Variants in FOXO1 observed in about 807,000 individuals in gnomAD.
FOXO1 encodes forkhead box protein O1.
Under a neutral mutation model 44.1 loss-of-function variants are expected in FOXO1, and 6 were observed. The observed-to-expected ratio is 0.14, with a 90% CI of 0.07 to 0.27. The LOEUF (loss-of-function observed/expected upper bound fraction) is 0.27, where lower values mean the gene tolerates loss of function less well. Ranked by LOEUF, FOXO1 falls within the 10% of genes least tolerant of loss-of-function variation. The pLI is 1.00. For missense variants in FOXO1, 737 were observed against 888.8 expected (o/e 0.83, Z 2.17); for synonymous variants, 380 against 362.7 (o/e 1.05, Z -0.54).
chr13:40,643,153 C>T (rs1241826505), intron 1 of FOXO1, among the ~76,000 whole-genome samples: 1 of 151,868 alleles, frequency 6.6e-6, no homozygotes, highest in Non-Finnish European at 1.5e-5. Context: ...ACCAGCCTGG[C>T]CAACATGGTG....
chr13:40,607,899 TCCC>T (rs1876078798), intron 1 of FOXO1, among the ~76,000 whole-genome samples: 1 of 152,212 alleles, frequency 6.6e-6, no homozygotes, highest in Admixed American at 6.5e-5. Context: ...TGCCTGGGGT[TCCC>T]CCAATTGGTA....
At chr13:40,588,234 T>G (rs570888541) in intron 1 of FOXO1, among the ~76,000 whole-genome samples, 24 of 152,296 alleles carry the variant, frequency 1.6e-4, no homozygotes, top group African/African-American at 5.8e-4. Flanking sequence ...AGGTGTTCCT[T>G]GCTCAGGCTC....
intron 1 of FOXO1, chr13:40,620,267 AG>A (rs916464551): frequency 6.0e-5 from 79 of 1,326,410 alleles, no homozygotes; most frequent in Non-Finnish European, 8.4e-5. Flanking sequence ...AATAGAGATC[AG>A]GACAGTATTG....
At chr13:40,610,183 C>A (rs912842729) in intron 1 of FOXO1, among the ~76,000 whole-genome samples, 1 of 152,152 alleles carries the variant, frequency 6.6e-6, no homozygotes, top group African/African-American at 2.4e-5. Context: ...TAACTAAGGA[C>A]ATCCGGGGTG....
intron 1 of FOXO1, among the ~76,000 whole-genome samples, chr13:40,586,017 A>G (rs1875150583): frequency 6.6e-6 from 1 of 152,146 alleles, no homozygotes; most frequent in Non-Finnish European, 1.5e-5. Flanking sequence ...CCAATTCTCC[A>G]TATATGGATT....
rs34314244 is a variant in FOXO1, at chr13:40,628,356, T to TACACACACACAC, written c.630+37215_630+37226dup. ...TCAGCTATTCCTCAAAAGAGCTGTTTACACACACACACACACACACACACA... is the reference window on the plus strand; with the variant it reads ...TCAGCTATTCCTCAAAAGAGCTGTTTACACACACACACACACACACACACACACACACACACA... On this transcript the variant is annotated intron_variant, in intron 1 of 2. Coordinates refer to ENST00000379561, the MANE Select transcript of FOXO1 (RefSeq NM_002015.4). Among the ~76,000 whole-genome samples the TACACACACACAC allele has an allele frequency of 9.3e-3, 1,350 of 145,272 alleles. 14 individuals carry two copies. Among genetic ancestry groups the TACACACACACAC allele is most frequent in the African/African-American group, 0.029 (1,128 of 39,318 alleles).
intron 1 of FOXO1, among the ~76,000 whole-genome samples, chr13:40,612,759 T>G (rs1157211362): frequency 6.6e-6 from 1 of 152,244 alleles, no homozygotes; most frequent in Non-Finnish European, 1.5e-5. Context: ...ATTATTGGTC[T>G]GTTTTATTAT....
rs780253065 is a variant in FOXO1 at position 40,560,324 on chromosome 13, A to G, written c.1167T>C (p.Val389=). 6.2e-7 allele frequency: 1 copy of G among 1,614,194 alleles called. No individual in the cohort carries two copies. Among genetic ancestry groups the G allele is most frequent in the Non-Finnish European group, 8.5e-7 (1 of 1,180,036 alleles). The change falls in exon 2 of 3, where the codon GTT becomes GTC. Residue 389 remains valine, a synonymous_variant. Transcript: ENST00000379561. This position sits in a 1 kb window ranked among gnomAD's most constrained non-coding sequence, Gnocchi z 5.1. The part of the protein sequence containing the change: ...NLLSSPTSLT[V]STQSSPGTMM... ...TGGTGCCAGGTGAGGACTGGGTCGA[A>G]ACAGTTAATGATGTTGGTGATGAGA...
chr13:40,656,334 T>C (rs968243722), intron 1 of FOXO1, among the ~76,000 whole-genome samples: 1 of 152,220 alleles, frequency 6.6e-6, no homozygotes, highest in Non-Finnish European at 1.5e-5. Context: ...TCCCTCATAA[T>C]TGCCTTAAGT....
At chr13:40,634,918 C>G (rs889599744) in intron 1 of FOXO1, among the ~76,000 whole-genome samples, 3 of 152,102 alleles carry the variant, frequency 2.0e-5, no homozygotes, top group African/African-American at 7.2e-5. Context: ...CCTCATGGAT[C>G]CACCCACCTC....
chr13:40,663,039 A>G (rs1477319225), intron 1 of FOXO1, among the ~76,000 whole-genome samples: 1 of 152,226 alleles, frequency 6.6e-6, no homozygotes, highest in Admixed American at 6.5e-5. Flanking sequence ...CTGAAAATGT[A>G]CTTGCTGCAA....
At chr13:40,601,299 A>C (rs2137879547) in intron 1 of FOXO1, among the ~76,000 whole-genome samples, 1 of 152,342 alleles carries the variant, frequency 6.6e-6, no homozygotes, top group Non-Finnish European at 1.5e-5. Context: ...TTATGTGCTC[A>C]AGTCACTTTC....
chr13:40,595,355 C>CAAGGGATCATCA, intron 1 of FOXO1, among the ~76,000 whole-genome samples: 1 of 152,140 alleles, frequency 6.6e-6, no homozygotes, highest in Non-Finnish European at 1.5e-5. Flanking sequence ...CTTGAACATA[C>CAAGGGATCATCA]AAGGGATCAT....
Position 40,558,889 on chromosome 13 carries a change from A to C in FOXO1, c.*160T>G. 2.5e-6 allele frequency: 1 copy of C among 398,636 alleles called. No individual in the cohort carries two copies. The highest frequency in any genetic ancestry group is 4.4e-6 in the Non-Finnish European group (1 of 226,014). The allele number at this position is 398,636 out of a possible 1,614,324, so 24.7% of individuals were successfully genotyped here. On this transcript the variant is annotated 3_prime_UTR_variant, in exon 3 of 3. Transcript: ENST00000379561. ...GTACAGGAAAAATGTCTTTGCTGCC[A>C]AGTCTGACGAAAGGAAAAAAGGAGG...
At position 40,556,483 on chromosome 13, in the gene FOXO1, A is replaced by G. The variant is rs372851785; in HGVS notation, c.*2566T>C. ...GAAAATAAATCAAACAAGGCTGCAT[A>G]GGTGATATCATTTGCACATTTCACA... On this transcript the variant is annotated 3_prime_UTR_variant, in exon 3 of 3. Coordinates refer to ENST00000379561, the MANE Select transcript of FOXO1 (RefSeq NM_002015.4). 9.2e-5 allele frequency: 14 copies of G among 152,808 alleles called. No individual in the cohort carries two copies. Among genetic ancestry groups the G allele is most frequent in the East Asian group, 3.9e-4 (2 of 5,190 alleles). 9.5% of individuals were successfully genotyped at this position (152,808 alleles called of 1,614,324 possible). A position where few individuals can be genotyped will look rare whatever the true frequency, so the allele number is the denominator to read the frequency against.
chr13:40,559,529 T>C lies in FOXO1; in HGVS notation c.1962A>G (p.Ser654=). The part of the protein sequence containing the change: ...SVKTTTHSWV[S]G Reference sequence around the variant, plus strand: ...CTTACCTGCTCACTAACCCTCAGCCTGACACCCAGCTATGTGTCGTTGTCT... The same window carrying C: ...CTTACCTGCTCACTAACCCTCAGCCCGACACCCAGCTATGTGTCGTTGTCT... Residue 654 remains serine (S), a synonymous_variant, in exon 2 of 3, where the codon TCA becomes TCG. Transcript: ENST00000379561. 6.3e-7 allele frequency: 1 copy of C among 1,592,796 alleles called. No individual in the cohort carries two copies. The highest frequency in any genetic ancestry group is 8.6e-7 in the Non-Finnish European group (1 of 1,167,310).
chr13:40,654,752 A>T (rs1321227907), intron 1 of FOXO1, among the ~76,000 whole-genome samples: 2 of 151,854 alleles, frequency 1.3e-5, no homozygotes, highest in African/African-American at 4.8e-5. Context: ...AGTGTAGACC[A>T]AGGGGCCACG....
At position 40,559,743 on chromosome 13, in the gene FOXO1, C is replaced by T; in HGVS notation, c.1748G>A (p.Ser583Asn). 1 of 1,613,502 alleles carries T rather than the reference C, an allele frequency of 6.2e-7. No individual in the cohort carries two copies. Among genetic ancestry groups the T allele is most frequent in the Non-Finnish European group, 8.5e-7 (1 of 1,179,624 alleles). ...GCCCATTCTGCCATAGCCATTGCAG[C>T]TGCTCACGGAGGAGTAGCCCCCCAG... ...SALGGYSSVS[S>N]CNGYGRMGLL... The change falls in exon 2 of 3, where the codon AGC becomes AAC. Residue 583 changes from serine to asparagine, a missense_variant. Ser to Asn is a conservative substitution (Grantham distance 46, BLOSUM62 1). Transcript: ENST00000379561.
At chr13:40,572,784 T>C (rs1874587032) in intron 1 of FOXO1, among the ~76,000 whole-genome samples, 1 of 152,114 alleles carries the variant, frequency 6.6e-6, no homozygotes, top group Non-Finnish European at 1.5e-5. Flanking sequence ...CCCACAGACA[T>C]CAGGGATCCA....
Sources: gnomAD v4.1 joint callset for allele counts (sites outside exome capture counted in the v4.1 genomes callset) on GRCh38, gnomAD v4.1.1 for gene constraint, Gnocchi (gnomAD v3.1) non-coding constraint, MANE v1.5 for transcripts, NCBI Gene and HGNC (gene_info 2026-07-23, HGNC 2026-07-21) for gene names.